ZNF382: variants seen among roughly 807,000 people sequenced by gnomAD.
The protein encoded by ZNF382 is KRAB/zinc finger suppressor protein 1.
In ZNF382, 20 loss-of-function variants were observed where a neutral mutation model predicts 38.8. The ratio of observed to expected loss-of-function variants is 0.51; its 90% CI spans 0.36 to 0.75. The LOEUF (loss-of-function observed/expected upper bound fraction) is 0.75, where lower values mean the gene tolerates loss of function less well. ZNF382 is among the 30% of genes least tolerant of loss of function. The pLI, the probability that ZNF382 is intolerant of heterozygous loss-of-function variation, is 0.00. For missense variants in ZNF382, 546 were observed against 654.1 expected, an observed-to-expected ratio of 0.83 and a Z score of 1.80; for synonymous variants, 202 against 223.1, an observed-to-expected ratio of 0.91 and a Z score of 0.84.
intron 1 of ZNF382, among the ~76,000 whole-genome samples, chr19:36,606,583 T>G (rs2145308249): frequency 6.6e-6 from 1 of 151,576 alleles, no homozygotes; most frequent in Admixed American, 6.6e-5. Flanking sequence ...CTTGAACTCC[T>G]GACCTCAAGT....
intron 4 of ZNF382, among the ~76,000 whole-genome samples, chr19:36,624,631 T>C (rs2037195687): frequency 6.6e-6 from 1 of 152,158 alleles, no homozygotes; most frequent in African/African-American, 2.4e-5. Flanking sequence ...AGGTGATGTA[T>C]TGGGAGGAAA....
intron 4 of ZNF382, among the ~76,000 whole-genome samples, chr19:36,618,988 T>C (rs2037147627): frequency 6.6e-6 from 1 of 152,144 alleles, no homozygotes; most frequent in Non-Finnish European, 1.5e-5. Flanking sequence ...ATCGCGCCAC[T>C]GCACTCCAGC....
At chr19:36,617,885 C>T (rs903923404) in intron 4 of ZNF382, among the ~76,000 whole-genome samples, 2 of 152,052 alleles carry the variant, frequency 1.3e-5, no homozygotes, top group African/African-American at 4.8e-5. Flanking sequence ...CTGGGCCCTT[C>T]GGTGGACATG....
intron 4 of ZNF382, among the ~76,000 whole-genome samples, chr19:36,624,178 A>T (rs1008383416): frequency 1.3e-5 from 2 of 152,208 alleles, no homozygotes; most frequent in African/African-American, 2.4e-5. Flanking sequence ...TAGGGAGGCA[A>T]TGTAACTCCA....
In ZNF382 at chr19:36,630,052, G is replaced by A. The variant is rs1286287523; in HGVS notation, c.*2502G>A. ...GCCATAAAATACAGTTGAAGATTTG[G>A]CTGCATTTTTGCCTTACGATTACAT... On this transcript the variant is annotated 3_prime_UTR_variant, in exon 5 of 5. Transcript: ENST00000292928. The A allele has an allele frequency of 2.0e-5, 3 of 152,114 alleles. No homozygotes were observed. The highest frequency in any genetic ancestry group is 4.4e-5 in the Non-Finnish European group (3 of 68,030). The allele number at this position is 152,114 out of a possible 1,614,324, so 9.4% of individuals were successfully genotyped here.
chr19:36,619,142 T>G (rs965211287), intron 4 of ZNF382, among the ~76,000 whole-genome samples: 2 of 152,228 alleles, frequency 1.3e-5, no homozygotes, highest in Admixed American at 6.5e-5. Context: ...AGAAGAACTT[T>G]GTGCGCATAT....
intron 4 of ZNF382, among the ~76,000 whole-genome samples, chr19:36,620,960 T>C (rs928375596): frequency 2.6e-5 from 4 of 152,104 alleles, no homozygotes; most frequent in Admixed American, 1.3e-4. Context: ...GGTTTCACCA[T>C]GTTGGCCAGG....
At chr19:36,616,753 A>T (rs2037128970) in intron 4 of ZNF382, among the ~76,000 whole-genome samples, 1 of 152,206 alleles carries the variant, frequency 6.6e-6, no homozygotes, top group Non-Finnish European at 1.5e-5. Flanking sequence ...CTGAGTGAAT[A>T]AAATATCCAC....
intron 4 of ZNF382, 117 bp downstream of exon 4, chr19:36,610,859 A>C (rs915668682): frequency 2.8e-6 from 2 of 707,344 alleles, no homozygotes; most frequent in African/African-American, 1.8e-5. Context: ...TAAATATGCT[A>C]TCTTAAACTT....
rs763709234 is a variant in ZNF382, at chr19:36,627,261, A to G, written c.1364A>G (p.Gln455Arg). 4 of 1,613,734 alleles carry G rather than the reference A, an allele frequency of 2.5e-6. No individual in the cohort carries two copies. Among genetic ancestry groups the G allele is most frequent in the Non-Finnish European group, 3.4e-6 (4 of 1,179,966 alleles). Residue 455 changes from glutamine (Q) to arginine (R), a missense_variant, in exon 5 of 5, where the codon CAG (glutamine) becomes CGG (arginine). Gln to Arg is a conservative substitution (Grantham distance 43). Transcript: ENST00000292928. Reference protein sequence around the residue: ...FCQKTTLTLHQRIHTGEKPYI... With the variant: ...FCQKTTLTLHRRIHTGEKPYI... ...CAAAAGACAACCCTCACTCTCCACC[A>G]GAGAATTCACACGGGGGAAAAACCC...
At chr19:36,605,646 C>G (rs1335443129) in intron 1 of ZNF382, 1 of 152,170 alleles carries the variant, frequency 6.6e-6, no homozygotes, top group African/African-American at 2.4e-5. Flanking sequence ...GGCGGGTCCC[C>G]GCGCGGAGCG....
intron 3 of ZNF382, 107 bp downstream of exon 3, chr19:36,610,160 A>G: frequency 1.4e-6 from 2 of 1,413,526 alleles, no homozygotes; most frequent in Non-Finnish European, 1.9e-6. Context: ...TTTTTTTGGC[A>G]GAAAATATTA....
intron 4 of ZNF382, among the ~76,000 whole-genome samples, chr19:36,618,352 T>G (rs1168801265): frequency 6.6e-6 from 1 of 152,240 alleles, no homozygotes; most frequent in Non-Finnish European, 1.5e-5. Flanking sequence ...CTTTCTTTCC[T>G]CTTTGGGCTC....
chr19:36,607,740 A>T (rs747030493), intron 2 of ZNF382, 118 bp downstream of exon 2: 87 of 1,099,022 alleles, frequency 7.9e-5, no homozygotes, highest in Non-Finnish European at 1.0e-4. Flanking sequence ...ATTAGTCTTC[A>T]GTCAGGGCCA....
intron 4 of ZNF382, among the ~76,000 whole-genome samples, chr19:36,623,282 T>C (rs1314436896): frequency 1.3e-5 from 2 of 152,200 alleles, no homozygotes; most frequent in Admixed American, 1.3e-4. Context: ...AAACGTATAC[T>C]GAGAAGATTT....
intron 4 of ZNF382, among the ~76,000 whole-genome samples, chr19:36,615,898 A>G (rs1030794934): frequency 9.2e-5 from 14 of 152,182 alleles, no homozygotes; most frequent in Non-Finnish European, 1.5e-4. Context: ...GTGCTCATAG[A>G]TGCACCTCTT....
rs1332585123 is a variant in ZNF382 at position 36,629,655 on chromosome 19, G to C, written c.*2105G>C. 6.6e-6 allele frequency: 1 copy of C among 152,178 alleles called. No homozygotes were observed. The highest frequency in any genetic ancestry group is 1.5e-5 in the Non-Finnish European group (1 of 68,044). 9.4% of individuals were successfully genotyped at this position (152,178 alleles called of 1,614,324 possible). A position where few individuals can be genotyped will look rare whatever the true frequency, so the allele number is the denominator to read the frequency against. On this transcript the variant is annotated 3_prime_UTR_variant, in exon 5 of 5. Coordinates refer to ENST00000292928, the MANE Select transcript of ZNF382 (RefSeq NM_032825.5). ...ATATATAATAAAAATAAAGGTATAA[G>C]CCTGGGCTTGGTGGCTCATTTCTGT...
chr19:36,606,311 ATTT>A (rs71171460), intron 1 of ZNF382, among the ~76,000 whole-genome samples: 43,719 of 138,654 alleles, frequency 0.32, 6,897 homozygotes, highest in South Asian at 0.38. Context: ...CATGCAGGAA[ATTT>A]TTTTTTTTTT....
At chr19:36,611,464 A>G (rs985395636) in intron 4 of ZNF382, among the ~76,000 whole-genome samples, 4 of 152,040 alleles carry the variant, frequency 2.6e-5, no homozygotes, top group Admixed American at 6.6e-5. Context: ...AATGTCCTCC[A>G]GGTTCATCTA....
Sources: gnomAD v4.1 joint callset for allele counts (sites outside exome capture counted in the v4.1 genomes callset) on GRCh38, gnomAD v4.1.1 for gene constraint, MANE v1.5 for transcripts, NCBI Gene and HGNC (gene_info 2026-07-23, HGNC 2026-07-21) for gene names.